ZDHHC14: variants seen among roughly 807,000 people sequenced by gnomAD.
ZDHHC14 encodes the protein palmitoyltransferase ZDHHC14.
ZDHHC14 carries 16 observed loss-of-function variants against 47.7 expected under a neutral mutation model. The ratio of observed to expected loss-of-function variants is 0.34; its 90% CI spans 0.23 to 0.51. The LOEUF is 0.51. Among genes scored for constraint, ZDHHC14 ranks in the 20% least tolerant of loss-of-function variants. The pLI is 0.97. For synonymous variants in ZDHHC14, 293 were observed against 278.9 expected, an observed-to-expected ratio of 1.05 and a Z score of -0.50; for missense variants, 515 against 662.5, an observed-to-expected ratio of 0.78 and a Z score of 2.44.
At chr6:157,585,604 A>G (rs1206053348) in intron 2 of ZDHHC14, among the ~76,000 whole-genome samples, 1 of 152,194 alleles carries the variant, frequency 6.6e-6, no homozygotes, top group Non-Finnish European at 1.5e-5. Context: ...CAAGGTTGGT[A>G]TGTGAAGCCC....
At chr6:157,563,488 T>C (rs1782789277) in intron 2 of ZDHHC14, among the ~76,000 whole-genome samples, 1 of 152,186 alleles carries the variant, frequency 6.6e-6, no homozygotes, top group African/African-American at 2.4e-5. Flanking sequence ...GTGTGTGCTC[T>C]TATGCCTCCA....
chr6:157,560,642 C>G (rs923242807), intron 2 of ZDHHC14, among the ~76,000 whole-genome samples: 2 of 151,900 alleles, frequency 1.3e-5, no homozygotes, highest in African/African-American at 4.8e-5. Context: ...CATGTGTTAC[C>G]TTTATAATTA....
chr6:157,484,003 G>C (rs1259321734), intron 1 of ZDHHC14, among the ~76,000 whole-genome samples: 2 of 151,998 alleles, frequency 1.3e-5, no homozygotes, highest in African/African-American at 4.8e-5. Context: ...CAACATGGAT[G>C]GAGCTGGAGG....
chr6:157,528,910 G>A (rs981717006), intron 1 of ZDHHC14, among the ~76,000 whole-genome samples: 11 of 151,024 alleles, frequency 7.3e-5, no homozygotes, highest in Admixed American at 2.0e-4. Context: ...GGGGGTGGGA[G>A]TGGGCATTAA....
chr6:157,417,377 G>GT (rs1483742506), intron 1 of ZDHHC14, among the ~76,000 whole-genome samples: 2 of 147,694 alleles, frequency 1.4e-5, no homozygotes, highest in African/African-American at 2.5e-5. Context: ...TCTGTACTCT[G>GT]TTTTTTGTCA....
chr6:157,605,352 A>G (rs1784497748), intron 3 of ZDHHC14, among the ~76,000 whole-genome samples: 1 of 152,232 alleles, frequency 6.6e-6, no homozygotes, highest in Non-Finnish European at 1.5e-5. Flanking sequence ...TGGAAATGTA[A>G]TGATTATCTT....
chr6:157,535,152 A>T (rs34964808), intron 1 of ZDHHC14, among the ~76,000 whole-genome samples: 2 of 151,924 alleles, frequency 1.3e-5, no homozygotes, highest in African/African-American at 4.8e-5. Context: ...CCCCACGGGC[A>T]GAAGAGAGCA....
intron 1 of ZDHHC14, among the ~76,000 whole-genome samples, chr6:157,491,670 G>T (rs933230895): frequency 6.6e-6 from 1 of 152,150 alleles, no homozygotes; most frequent in Admixed American, 6.5e-5. Flanking sequence ...AGCTGCTTTG[G>T]CTGGGAGTCC....
intron 8 of ZDHHC14, among the ~76,000 whole-genome samples, chr6:157,666,367 G>A (rs1456204142): frequency 1.3e-5 from 2 of 152,146 alleles, no homozygotes; most frequent in South Asian, 2.1e-4. Context: ...TATTAAGCTA[G>A]TATTGCAGAA....
chr6:157,388,533 T>C (rs986428878), intron 1 of ZDHHC14, among the ~76,000 whole-genome samples: 1 of 152,216 alleles, frequency 6.6e-6, no homozygotes, highest in Admixed American at 6.5e-5. Context: ...TGAAAAACAG[T>C]GGTGATCAAT....
intron 3 of ZDHHC14, among the ~76,000 whole-genome samples, chr6:157,619,188 C>T (rs1785081261): frequency 6.6e-6 from 1 of 151,576 alleles, no homozygotes; most frequent in Non-Finnish European, 1.5e-5. Flanking sequence ...CGAGACCAGC[C>T]TGGCCAACAT....
At chr6:157,499,501 C>T (rs905920611) in intron 1 of ZDHHC14, among the ~76,000 whole-genome samples, 2 of 150,808 alleles carry the variant, frequency 1.3e-5, no homozygotes, top group Non-Finnish European at 3.0e-5. Context: ...GATATCATCC[C>T]ATTGGAAGTT....
rs528975220 is a variant in ZDHHC14 at position 157,496,233 on chromosome 6, G to C, written c.246-46352G>C. Among the ~76,000 whole-genome samples the C allele has an allele frequency of 3.3e-5, 5 of 152,212 alleles. No individual in the cohort carries two copies. The East Asian group carries it at 9.7e-4, about 29-fold the overall frequency. ...CAGGGTGGTTCTGAGATGGGAGGTC[G>C]AGTGAAGCACGGTGGTCCCACCAGT... On this transcript the variant is annotated intron_variant, in intron 1 of 8. Transcript: ENST00000359775.
intron 1 of ZDHHC14, among the ~76,000 whole-genome samples, chr6:157,493,121 G>A (rs1034953546): frequency 6.6e-6 from 1 of 152,206 alleles, no homozygotes; most frequent in Admixed American, 6.5e-5. Context: ...AGGCAAAGAT[G>A]GTGGCACTGG....
At chr6:157,542,819 G>A (rs551448691) in intron 2 of ZDHHC14, 74 bp downstream of exon 2, 56 of 1,533,622 alleles carry the variant, frequency 3.7e-5, no homozygotes, top group Non-Finnish European at 4.0e-5. Flanking sequence ...ACGGCAGGCC[G>A]AGGGCTGTGC....
chr6:157,504,202 T>G lies in ZDHHC14; in HGVS notation c.246-38383T>G, dbSNP rs1471922286. 7.4e-5 allele frequency among the ~76,000 whole-genome samples: 11 copies of G among 148,122 alleles called. No individual in the cohort carries two copies. The South Asian group carries it at 2.2e-3, about 29-fold the overall frequency. ...CATGGGCATATATATATTTTTTTTTTGTTTGCTTGTTTGTTTGTTTTTTGA... is the reference window on the plus strand; with the variant it reads ...CATGGGCATATATATATTTTTTTTTGGTTTGCTTGTTTGTTTGTTTTTTGA... On this transcript the variant is annotated intron_variant, in intron 1 of 8. Transcript: ENST00000359775.
intron 1 of ZDHHC14, among the ~76,000 whole-genome samples, chr6:157,538,548 C>T (rs917130021): frequency 6.6e-6 from 1 of 152,136 alleles, no homozygotes; most frequent in Non-Finnish European, 1.5e-5. Context: ...TTACATCATG[C>T]GAGGCATCCT....
chr6:157,457,209 G>A (rs567436949), intron 1 of ZDHHC14, among the ~76,000 whole-genome samples: 20 of 150,090 alleles, frequency 1.3e-4, no homozygotes, highest in African/African-American at 4.4e-4. Context: ...GTTGGGATGG[G>A]CACTTTTTTG....
intron 1 of ZDHHC14, among the ~76,000 whole-genome samples, chr6:157,500,267 G>T (rs575916622): frequency 6.6e-6 from 1 of 152,302 alleles, no homozygotes; most frequent in South Asian, 2.1e-4. Context: ...ATGGGAAGAA[G>T]ATCAACGTCA....
Sources: allele counts gnomAD v4.1 joint callset (sites outside exome capture counted in the v4.1 genomes callset), GRCh38; gene constraint gnomAD v4.1.1; transcripts MANE v1.5; gene names NCBI Gene and HGNC (gene_info 2026-07-23, HGNC 2026-07-21).